TLK1: variants seen among roughly 807,000 people sequenced by gnomAD.
The protein encoded by TLK1 is serine/threonine-protein kinase tousled-like 1.
Under a neutral mutation model 105.3 loss-of-function variants are expected in TLK1, and 24 were observed. The ratio of observed to expected loss-of-function variants is 0.23; its 90% CI spans 0.17 to 0.32. The LOEUF is 0.32. Ranked by LOEUF, TLK1 falls within the 10% of genes least tolerant of loss-of-function variation. The pLI is 1.00. For missense variants in TLK1, 558 were observed against 910.5 expected, an observed-to-expected ratio of 0.61 and a Z score of 4.98; for synonymous variants, 321 against 310.4, an observed-to-expected ratio of 1.03 and a Z score of -0.36.
At chr2:171,199,087 C>A (rs1354322734) in intron 1 of TLK1, among the ~76,000 whole-genome samples, 2 of 152,222 alleles carry the variant, frequency 1.3e-5, no homozygotes, top group Non-Finnish European at 2.9e-5. Context: ...CCATCTGTAA[C>A]TAAGTTGTTT....
intron 1 of TLK1, among the ~76,000 whole-genome samples, chr2:171,178,464 G>C (rs11883894): frequency 0.2 from 30,679 of 152,036 alleles, 4,990 homozygotes; most frequent in African/African-American, 0.44. Context: ...ACCCTTTCTT[G>C]TCCTCCATCT....
rs1246812306 is a variant in TLK1 at position 171,080,941 on chromosome 2, T to A, written c.330+1840A>T. ...CCAGGCTGGTCTCGAACTCCTGGTC[T>A]CAAGCAATCCTGCCTAGGCCTCCCA... On this transcript the variant is annotated intron_variant, in intron 3 of 20. Transcript: ENST00000431350. 1.3e-5 allele frequency among the ~76,000 whole-genome samples: 2 copies of A among 152,116 alleles called. 1 individual carries two copies. The highest frequency in any genetic ancestry group is 6.3e-3 in the Middle Eastern group (2 of 316).
chr2:171,080,092 G>A (rs989341409), intron 3 of TLK1, among the ~76,000 whole-genome samples: 1 of 151,574 alleles, frequency 6.6e-6, no homozygotes, highest in Non-Finnish European at 1.5e-5. Context: ...AGCTATTCAG[G>A]AGGTTGAGGC....
Position 171,055,243 on chromosome 2 carries a change from A to G in TLK1, c.550-71T>C, listed in dbSNP as rs1687446675. The stretch of plus-strand genomic sequence containing the variant: ...AAAACACAAAACAAAACAGATTTCT[A>G]ATTAGCAACAATTACTTAACATTTC... On this transcript the variant is annotated intron_variant, in intron 6 of 20. Coordinates refer to ENST00000431350, the MANE Select transcript of TLK1 (RefSeq NM_012290.5). 3 of 845,042 alleles carry G rather than the reference A, an allele frequency of 3.6e-6. No individual in the cohort carries two copies. The South Asian group carries it at 6.6e-5, about 19-fold the overall frequency. The allele number at this position is 845,042 out of a possible 1,614,324, so 52.3% of individuals were successfully genotyped here.
chr2:171,022,086 A>AACACACACACACACAG (rs1553605632), intron 12 of TLK1, among the ~76,000 whole-genome samples: 5,572 of 103,004 alleles, frequency 0.054, 180 homozygotes, highest in East Asian at 0.23. Context: ...CTGGGCGAAA[A>AACACACACACACACAG]ACACACACAC....
chr2:171,139,634 G>A lies in TLK1; in HGVS notation c.139+20656C>T, dbSNP rs369986551. ...AACAACAACAACAACAACAAAAACC[G>A]GTTATCTTCAAGGCATCAAAGGCAA... On this transcript the variant is annotated intron_variant, in intron 1 of 20. Coordinates refer to ENST00000431350, the MANE Select transcript of TLK1 (RefSeq NM_012290.5). Among the ~76,000 whole-genome samples the A allele has an allele frequency of 3.3e-5, 5 of 151,798 alleles. No homozygotes were observed. The East Asian group carries it at 7.7e-4, about 23-fold the overall frequency.
chr2:171,002,020 G>A (rs1003424387), intron 18 of TLK1, among the ~76,000 whole-genome samples: 2 of 151,766 alleles, frequency 1.3e-5, no homozygotes, highest in Non-Finnish European at 2.9e-5. Context: ...CTCATGATCC[G>A]CCCGCCTGGG....
At chr2:171,194,720 G>C (rs572692331) in intron 1 of TLK1, among the ~76,000 whole-genome samples, 1 of 151,412 alleles carries the variant, frequency 6.6e-6, no homozygotes, top group African/African-American at 2.4e-5. Context: ...CGGAGGCTGA[G>C]GCAGGAGAAT....
intron 2 of TLK1, among the ~76,000 whole-genome samples, chr2:171,098,350 T>C (rs938093305): frequency 1.3e-5 from 2 of 152,178 alleles, no homozygotes; most frequent in African/African-American, 4.8e-5. Flanking sequence ...AAACATCACA[T>C]ATACACCTCA....
chr2:171,037,552 T>C (rs1270182179), intron 11 of TLK1, among the ~76,000 whole-genome samples: 1 of 152,156 alleles, frequency 6.6e-6, no homozygotes, highest in Non-Finnish European at 1.5e-5. Flanking sequence ...TTCTGCTTGT[T>C]TGCTAAGAGT....
intron 12 of TLK1, among the ~76,000 whole-genome samples, chr2:171,021,425 C>T (rs1022499536): frequency 2.1e-5 from 3 of 145,086 alleles, no homozygotes; most frequent in Non-Finnish European, 3.0e-5. Flanking sequence ...CCTGCTTTCC[C>T]GCCCCGACTT....
chr2:170,993,668 T>TA lies in TLK1; in HGVS notation c.*111dup, dbSNP rs71008739. 0.072 allele frequency: 30,264 copies of TA among 422,234 alleles called. 62 individuals are homozygous for TA. The highest frequency in any genetic ancestry group is 0.14 in the East Asian group (2,136 of 15,142). The allele number at this position is 422,234 out of a possible 1,614,324, so 26.2% of individuals were successfully genotyped here. A position where few individuals can be genotyped will look rare whatever the true frequency, so the allele number is the denominator to read the frequency against. On this transcript the variant is annotated 3_prime_UTR_variant, in exon 21 of 21. Coordinates refer to ENST00000431350, the MANE Select transcript of TLK1 (RefSeq NM_012290.5). The stretch of plus-strand genomic sequence containing the variant: ...AAACAGTTCTTAACCACGTCTTGTG[T>TA]AAAAAAAAAAAAAAAAAAAAAAGAA...
At chr2:171,095,118 A>G (rs1368421470) in intron 2 of TLK1, among the ~76,000 whole-genome samples, 2 of 152,212 alleles carry the variant, frequency 1.3e-5, no homozygotes, top group Non-Finnish European at 2.9e-5. Flanking sequence ...AACATATGAG[A>G]TAAAGTTAAA....
chr2:171,076,386 G>C (rs1023918519), intron 3 of TLK1, among the ~76,000 whole-genome samples: 4 of 151,958 alleles, frequency 2.6e-5, no homozygotes, highest in Non-Finnish European at 4.4e-5. Flanking sequence ...CTTCTACCAC[G>C]GGGTGATGAT....
chr2:171,206,113 T>C (rs1042349332), intron 1 of TLK1, among the ~76,000 whole-genome samples: 33 of 152,218 alleles, frequency 2.2e-4, no homozygotes, highest in African/African-American at 7.5e-4. Context: ...ATGGGAAAAA[T>C]GGCCAAATCC....
At chr2:171,102,764 A>C (rs1394193680) in intron 2 of TLK1, among the ~76,000 whole-genome samples, 2 of 152,206 alleles carry the variant, frequency 1.3e-5, no homozygotes, top group Non-Finnish European at 2.9e-5. Context: ...TTTGCTATTC[A>C]TTCATGCATT....
At chr2:171,221,381 C>T (rs1304643188) in intron 1 of TLK1, among the ~76,000 whole-genome samples, 1 of 152,162 alleles carries the variant, frequency 6.6e-6, no homozygotes, top group Non-Finnish European at 1.5e-5. Flanking sequence ...ATGAATCAAA[C>T]ATTTAAAGGA....
chr2:171,142,403 T>C (rs972582255), intron 1 of TLK1, among the ~76,000 whole-genome samples: 3 of 152,148 alleles, frequency 2.0e-5, no homozygotes, highest in South Asian at 2.1e-4. Context: ...TTAAAAGATA[T>C]GGCTAAAACG....
chr2:171,208,383 T>C (rs1360415535), intron 1 of TLK1, among the ~76,000 whole-genome samples: 1 of 152,166 alleles, frequency 6.6e-6, no homozygotes. Context: ...TTAATTATGT[T>C]TAGAAACAAT....
Sources: gnomAD v4.1 joint callset for allele counts (sites outside exome capture counted in the v4.1 genomes callset) on GRCh38, gnomAD v4.1.1 for gene constraint, MANE v1.5 for transcripts, NCBI Gene and HGNC (gene_info 2026-07-23, HGNC 2026-07-21) for gene names.